The following ZNF701 variants were observed in gnomAD, a reference collection of about 807,000 sequenced individuals.
ZNF701 encodes the protein zinc finger protein 701.
Under a neutral mutation model 7.1 loss-of-function variants are expected in ZNF701, and 6 were observed. That is an observed-to-expected ratio of 0.84 (90% CI 0.46 to 1.66). The LOEUF is 1.66. ZNF701 is among the 40% of genes most tolerant of loss of function. The probability of loss-of-function intolerance (pLI) is 0.01; values close to 1 mark genes in which losing one functional copy is unlikely to be tolerated. For missense variants in ZNF701, 541 were observed against 559.2 expected (o/e 0.97, Z 0.33); for synonymous variants, 166 against 188.2 (o/e 0.88, Z 0.97).
At chr19:52,599,766 T>G in the ZNF701 span, among the ~76,000 whole-genome samples, 2 of 152,208 alleles carry the variant, frequency 1.3e-5, no homozygotes, top group East Asian at 3.8e-4. Flanking sequence ...TCATATATTC[T>G]AAATTTTATT....
At chr19:52,596,216 G>A in the ZNF701 span, 1 of 560,636 alleles carries the variant, frequency 1.8e-6, no homozygotes, top group Non-Finnish European at 3.3e-6. Flanking sequence ...TGATGTATGT[G>A]GCAAAGTCTT....
intron 1 of ZNF701, chr19:52,572,502 G>A (rs554171916): frequency 1.2e-6 from 1 of 852,072 alleles, no homozygotes. Flanking sequence ...GTATGTGAAA[G>A]AGGCTTCTCT....
Position 52,582,863 on chromosome 19 carries a change from TC to T in ZNF701, c.806del (p.Pro269LeufsTer18). The T allele has an allele frequency of 6.2e-7, 1 of 1,614,086 alleles. No individual in the cohort carries two copies. Among genetic ancestry groups the T allele is most frequent in the South Asian group, 1.1e-5 (1 of 91,082 alleles). ...ACHRCHTGEN[P>X]YTCNECGKTF... ...GCCATAGATGTCACACTGGTGAGAA[TC>T]CTTACACGTGTAATGAGTGTGGCAA... On this transcript the variant is annotated frameshift_variant, in exon 4 of 4. Coordinates refer to ENST00000391785, the MANE Select transcript of ZNF701 (RefSeq NM_018260.3). LOFTEE classifies it low-confidence loss of function (END_TRUNC).
In ZNF701 at chr19:52,576,036, C is replaced by T. The variant is rs371988151; in HGVS notation, c.142+15C>T. The stretch of plus-strand genomic sequence containing the variant: ...GGTCTCCCTGGGTGAGGATAACTTC[C>T]CTCCAGAAGTGGGGATGTGCCCTTG... On this transcript the variant is annotated intron_variant, in intron 3 of 3. Transcript: ENST00000391785. 1.9e-6 allele frequency: 3 copies of T among 1,596,128 alleles called. No homozygotes were observed. Among genetic ancestry groups the T allele is most frequent in the South Asian group, 2.3e-5 (2 of 87,802 alleles).
chr19:52,573,904 C>T (rs1305378070), intron 1 of ZNF701, among the ~76,000 whole-genome samples, 173 bp from the exon 2 acceptor site: 1 of 152,202 alleles, frequency 6.6e-6, no homozygotes, highest in Non-Finnish European at 1.5e-5. Context: ...CGTGTGAGGG[C>T]TTCTCCAGGA....
the ZNF701 span, among the ~76,000 whole-genome samples, chr19:52,593,520 CT>C: frequency 1.8e-5 from 2 of 112,768 alleles, 1 homozygote; most frequent in African/African-American, 6.9e-5. Flanking sequence ...GATGGGGTGG[CT>C]GGCCGGGCGG....
At chr19:52,599,618 T>A in the ZNF701 span, among the ~76,000 whole-genome samples, 1 of 152,196 alleles carries the variant, frequency 6.6e-6, no homozygotes, top group Non-Finnish European at 1.5e-5. Flanking sequence ...ACGTGGTGAT[T>A]CTGCTAAAGC....
chr19:52,581,807 G>GT (rs1294337651), intron 3 of ZNF701, among the ~76,000 whole-genome samples: 2 of 152,134 alleles, frequency 1.3e-5, no homozygotes, highest in African/African-American at 4.8e-5. Flanking sequence ...ACCTTGTCTG[G>GT]TTTTTTAGCA....
the ZNF701 span, among the ~76,000 whole-genome samples, chr19:52,599,609 CGTG>C: frequency 6.6e-6 from 1 of 152,138 alleles, no homozygotes; most frequent in South Asian, 2.1e-4. Context: ...GAATAAAAAA[CGTG>C]GTGATTCTGC....
At chr19:52,581,300 A>G (rs1600083407) in intron 3 of ZNF701, among the ~76,000 whole-genome samples, 1 of 152,158 alleles carries the variant, frequency 6.6e-6, no homozygotes, top group Admixed American at 6.5e-5. Context: ...GCTCACCACA[A>G]TCTTGGCCTC....
At chr19:52,593,665 CT>C in the ZNF701 span, among the ~76,000 whole-genome samples, 3 of 112,532 alleles carry the variant, frequency 2.7e-5, 1 homozygote, top group African/African-American at 1.0e-4. Context: ...GGCGGAGGGG[CT>C]TCTCACTTAT....
chr19:52,572,415 T>G, intron 1 of ZNF701: 1 of 1,279,914 alleles, frequency 7.8e-7, no homozygotes, highest in South Asian at 1.3e-5. Flanking sequence ...AATGTTACTG[T>G]AATTTTCTTG....
At chr19:52,574,283 C>T in intron 2 of ZNF701, 121 bp downstream of exon 2, 1 of 1,464,368 alleles carries the variant, frequency 6.8e-7, no homozygotes, top group South Asian at 1.2e-5. Flanking sequence ...ACACTCAACT[C>T]ATGCCTTCCC....
At chr19:52,592,481 G>A in the ZNF701 span, among the ~76,000 whole-genome samples, 283 of 152,336 alleles carry the variant, frequency 1.9e-3, 1 homozygote, top group African/African-American at 6.6e-3. Context: ...CCTGCTCTAG[G>A]CAGAGATGCC....
chr19:52,583,582 T>A lies in ZNF701; in HGVS notation c.*125T>A. Reference sequence around the variant, plus strand: ...AAAGTTTTCAATTTCAAATCACTCCTTGAAATACATAGGAGAGTTCATACT... The same window carrying A: ...AAAGTTTTCAATTTCAAATCACTCCATGAAATACATAGGAGAGTTCATACT... On this transcript the variant is annotated 3_prime_UTR_variant, in exon 4 of 4. Transcript: ENST00000391785. The A allele has an allele frequency of 6.9e-7, 1 of 1,447,468 alleles. No homozygotes were observed. The highest frequency in any genetic ancestry group is 9.7e-7 in the Non-Finnish European group (1 of 1,030,654). 89.7% of individuals were successfully genotyped at this position (1,447,468 alleles called of 1,614,324 possible).
At chr19:52,595,233 T>C in the ZNF701 span, among the ~76,000 whole-genome samples, 1 of 151,992 alleles carries the variant, frequency 6.6e-6, no homozygotes, top group Non-Finnish European at 1.5e-5. Flanking sequence ...GCTTTTTGTG[T>C]AATATTTACA....
rs568513860 is a variant in ZNF701 at position 52,582,625 on chromosome 19, C to G, written c.566C>G (p.Ser189Cys). Residue 189 changes from serine (S) to cysteine (C), a missense_variant, in exon 4 of 4, where the codon TCT (serine) becomes TGT (cysteine). Ser to Cys is a moderately radical substitution (Grantham distance 112). Coordinates refer to ENST00000391785, the MANE Select transcript of ZNF701 (RefSeq NM_018260.3). ...TCCTGTAGGCCAAAAACTCGTATTTCTAATAAGTATAGGAATAATTTCCTC... is the reference window on the plus strand; with the variant it reads ...TCCTGTAGGCCAAAAACTCGTATTTGTAATAAGTATAGGAATAATTTCCTC... ...RISCRPKTRI[S>C]NKYRNNFLQS... 2 of 1,614,100 alleles carry G rather than the reference C, an allele frequency of 1.2e-6. No homozygotes were observed. Among genetic ancestry groups the G allele is most frequent in the South Asian group, 1.1e-5 (1 of 91,080 alleles).
Position 52,586,218 on chromosome 19 carries a change from T to A in ZNF701, c.*2761T>A, listed in dbSNP as rs933060344. The A allele has an allele frequency of 6.6e-6, 1 of 152,234 alleles. No individual in the cohort carries two copies. The highest frequency in any genetic ancestry group is 2.4e-5 in the African/African-American group (1 of 41,540). 9.4% of individuals were successfully genotyped at this position (152,234 alleles called of 1,614,324 possible). ...CACCACACCGCGCCAATTTTTGTGT[T>A]CTTGGTAGAGACCGGGTTTTGCCTT... On this transcript the variant is annotated 3_prime_UTR_variant, in exon 4 of 4. Coordinates refer to ENST00000391785, the MANE Select transcript of ZNF701 (RefSeq NM_018260.3).
At chr19:52,596,959 C>T in the ZNF701 span, 63 of 681,946 alleles carry the variant, frequency 9.2e-5, no homozygotes, top group African/African-American at 7.1e-4. Context: ...AGTGGGAAGT[C>T]GTCACTTTTT....
Sources: gnomAD v4.1 joint callset for allele counts (sites outside exome capture counted in the v4.1 genomes callset) on GRCh38, gnomAD v4.1.1 for gene constraint, MANE v1.5 for transcripts, NCBI Gene and HGNC (gene_info 2026-07-23, HGNC 2026-07-21) for gene names.